The following CCDC171 variants were observed in gnomAD, a reference collection of about 807,000 sequenced individuals.
CCDC171 encodes coiled-coil domain containing 171, also known as coiled-coil domain-containing protein 171.
A neutral mutation model predicts 168.2 loss-of-function variants in CCDC171; 177 were observed. The observed-to-expected ratio is 1.05, with a 90% CI of 0.93 to 1.19. The LOEUF is 1.19. CCDC171 is among the 50% of genes most tolerant of loss of function. The pLI is 0.00. For synonymous variants in CCDC171, 687 were observed against 540.8 expected (o/e 1.27, Z -3.75); for missense variants, 1,991 against 1,539.0 (o/e 1.29, Z -4.91).
intron 6 of CCDC171, among the ~76,000 whole-genome samples, chr9:16,031,404 G>T (rs1328991022): frequency 1.3e-5 from 2 of 152,176 alleles, no homozygotes; most frequent in African/African-American, 4.8e-5. Flanking sequence ...CTAACAACAT[G>T]TGGTAAGTTG....
the CCDC171 span, among the ~76,000 whole-genome samples, chr9:16,080,212 G>GAACAA: frequency 2.0e-5 from 3 of 152,142 alleles, no homozygotes; most frequent in Admixed American, 2.0e-4. Flanking sequence ...TTACCTCAGT[G>GAACAA]ATCCAGAACA....
chr9:15,756,096 A>C (rs10962142), intron 18 of CCDC171, among the ~76,000 whole-genome samples: 1 of 151,896 alleles, frequency 6.6e-6, no homozygotes, highest in Non-Finnish European at 1.5e-5. Context: ...AACCTGAATC[A>C]CATGGTTATT....
chr9:15,675,198 T>TG (rs1554752812), intron 9 of CCDC171, among the ~76,000 whole-genome samples: 13 of 145,784 alleles, frequency 8.9e-5, no homozygotes, highest in South Asian at 2.2e-4. Flanking sequence ...TTTTTTTTTT[T>TG]TTTTTTTTTT....
intron 10 of CCDC171, among the ~76,000 whole-genome samples, chr9:15,692,741 A>G (rs2050905246): frequency 6.6e-6 from 1 of 151,670 alleles, no homozygotes; most frequent in Non-Finnish European, 1.5e-5. Context: ...GTTAGCCCGT[A>G]TGATGTGGAT....
At chr9:15,603,494 A>T (rs184599415) in intron 6 of CCDC171, among the ~76,000 whole-genome samples, 117 of 152,302 alleles carry the variant, frequency 7.7e-4, no homozygotes, top group African/African-American at 2.6e-3. Flanking sequence ...TACAAGTGAG[A>T]ACATGCGGTA....
At chr9:15,851,302 A>G (rs1410220257) in intron 23 of CCDC171, among the ~76,000 whole-genome samples, 1 of 151,870 alleles carries the variant, frequency 6.6e-6, no homozygotes, top group Non-Finnish European at 1.5e-5. Flanking sequence ...AAGGTCAGTC[A>G]TTTCAGTTAA....
At chr9:15,566,866 T>C (rs1382048918) in intron 2 of CCDC171, among the ~76,000 whole-genome samples, 1 of 152,188 alleles carries the variant, frequency 6.6e-6, no homozygotes, top group Admixed American at 6.5e-5. Context: ...GGGTCTAAAT[T>C]TGTCTCTTTG....
At chr9:15,555,725 G>A (rs982875605) in intron 1 of CCDC171, among the ~76,000 whole-genome samples, 1 of 152,074 alleles carries the variant, frequency 6.6e-6, no homozygotes, top group African/African-American at 2.4e-5. Flanking sequence ...GAGTACATGT[G>A]CACAATGTGC....
chr9:15,887,427 A>G (rs1229360333), intron 24 of CCDC171, among the ~76,000 whole-genome samples: 1 of 152,102 alleles, frequency 6.6e-6, no homozygotes, highest in South Asian at 2.1e-4. Flanking sequence ...GACTAAAAGG[A>G]GGCATAAGTT....
intron 18 of CCDC171, among the ~76,000 whole-genome samples, chr9:15,747,068 C>CG (rs1008166374): frequency 6.6e-6 from 1 of 152,228 alleles, no homozygotes; most frequent in East Asian, 1.9e-4. Flanking sequence ...TGGAGCTTGG[C>CG]GGGGGGAGGG....
At chr9:15,617,845 C>T (rs749938230) in intron 6 of CCDC171, among the ~76,000 whole-genome samples, 1 of 152,166 alleles carries the variant, frequency 6.6e-6, no homozygotes, top group Non-Finnish European at 1.5e-5. Context: ...GGCTGGAGAA[C>T]AGCAAAGATT....
the CCDC171 span, among the ~76,000 whole-genome samples, chr9:16,100,902 G>A: frequency 1.6e-4 from 25 of 152,120 alleles, no homozygotes; most frequent in Non-Finnish European, 3.7e-4. Flanking sequence ...TCTCCTCTCC[G>A]ATTCCCTACC....
chr9:16,076,693 A>T, the CCDC171 span, among the ~76,000 whole-genome samples: 1 of 152,192 alleles, frequency 6.6e-6, no homozygotes, highest in Non-Finnish European at 1.5e-5. Flanking sequence ...CGTGACTATT[A>T]GAAACCTCAG....
chr9:15,613,992 A>C (rs1214178932), intron 6 of CCDC171, among the ~76,000 whole-genome samples: 1 of 152,240 alleles, frequency 6.6e-6, no homozygotes, highest in Admixed American at 6.5e-5. Context: ...AGATTTTCTT[A>C]AATGCCGTGA....
intron 24 of CCDC171, among the ~76,000 whole-genome samples, chr9:15,911,664 A>G (rs949423343): frequency 6.6e-6 from 1 of 151,984 alleles, no homozygotes; most frequent in South Asian, 2.1e-4. Context: ...CTCTTGTTGG[A>G]TTTTTATGGT....
At chr9:16,062,492 A>T (rs962575060), downstream of CCDC171, among the ~76,000 whole-genome samples, 2 of 152,076 alleles carry the variant, frequency 1.3e-5, no homozygotes, top group Admixed American at 1.3e-4. Flanking sequence ...GTATACCAAA[A>T]CCCCGAGACA....
Position 15,724,891 on chromosome 9 carries a change from A to C in CCDC171, c.1607A>C (p.His536Pro). ...AAAGTGGAACTACAAAATGTGCTGCACTGTTGGGAGAAAGAAAAGGCTCAG... is the reference window on the plus strand; with the variant it reads ...AAAGTGGAACTACAAAATGTGCTGCCCTGTTGGGAGAAAGAAAAGGCTCAG... Reference protein sequence around the residue: ...TLKVELQNVLHCWEKEKAQAA... With the variant: ...TLKVELQNVLPCWEKEKAQAA... The change falls in exon 14 of 26, where the codon CAC (histidine) becomes CCC (proline). Residue 536 changes from histidine to proline, a missense_variant. His to Pro is a moderately conservative substitution (Grantham distance 77). Transcript: ENST00000380701. 1.9e-6 allele frequency: 3 copies of C among 1,613,918 alleles called. No individual in the cohort carries two copies. Among genetic ancestry groups the C allele is most frequent in the Non-Finnish European group, 2.5e-6 (3 of 1,179,866 alleles).
chr9:15,747,065 T>G lies in CCDC171; in HGVS notation c.2671+1434T>G, dbSNP rs1001207352. Among the ~76,000 whole-genome samples, 14 of 152,174 alleles carry G rather than the reference T, an allele frequency of 9.2e-5. No individual in the cohort carries two copies. The East Asian group carries it at 2.1e-3, about 23-fold the overall frequency. On this transcript the variant is annotated intron_variant, in intron 18 of 25. Transcript: ENST00000380701. The stretch of plus-strand genomic sequence containing the variant: ...GAGAATGACCTGGGATGCTGGAGCT[T>G]GGCGGGGGGAGGGCGTCTGCCATTG...
chr9:16,069,160 C>T, the CCDC171 span, among the ~76,000 whole-genome samples: 25 of 152,046 alleles, frequency 1.6e-4, no homozygotes, highest in African/African-American at 1.7e-4. Context: ...GCCTACATGA[C>T]GTAAGGAGTA....
Sources: gnomAD v4.1 joint callset for allele counts (sites outside exome capture counted in the v4.1 genomes callset) on GRCh38, gnomAD v4.1.1 for gene constraint, MANE v1.5 for transcripts, NCBI Gene and HGNC (gene_info 2026-07-23, HGNC 2026-07-21) for gene names.